BPI: variants seen among roughly 807,000 people sequenced by gnomAD.
The protein encoded by BPI is bactericidal permeability-increasing protein.
BPI carries 48 observed loss-of-function variants against 57.6 expected under a neutral mutation model. That is an observed-to-expected ratio of 0.83 (90% CI 0.66 to 1.06). The LOEUF is 1.06. Ranked by LOEUF, BPI falls within the 50% of genes least tolerant of loss-of-function variation. The probability of loss-of-function intolerance (pLI) is 0.00; values close to 1 mark genes in which losing one functional copy is unlikely to be tolerated. For synonymous variants in BPI, 237 were observed against 238.2 expected (o/e 0.99, Z 0.05); for missense variants, 651 against 609.7 (o/e 1.07, Z -0.71).
intron 9 of BPI, among the ~76,000 whole-genome samples, chr20:38,325,750 G>A (rs779714436): frequency 2.0e-5 from 3 of 152,002 alleles, no homozygotes; most frequent in South Asian, 4.2e-4. Context: ...GGCTGCTAGG[G>A]GTGTCCAGGA....
At chr20:38,317,829 A>T in intron 5 of BPI, 1 of 1,508,022 alleles carries the variant, frequency 6.6e-7, no homozygotes, top group Non-Finnish European at 8.9e-7. Context: ...GTGTGGCCCA[A>T]GTCAGATTTT....
rs1437037753 is a variant in BPI, at chr20:38,318,451, G to A, written c.639G>A (p.Leu213=). 6.2e-7 allele frequency: 1 copy of A among 1,613,818 alleles called. No homozygotes were observed. The change falls in exon 6 of 15, where the codon CTG becomes CTA. Residue 213 remains leucine, a synonymous_variant. Coordinates refer to ENST00000642449, the MANE Select transcript of BPI (RefSeq NM_001725.3). ...EKVTNSVSSE[L]QPYFQTLPVM... is the part of the protein sequence containing the mutation. ...TGACCAATTCTGTATCCTCCGAGCT[G>A]CAACCTTATTTCCAGACTCTGCCAG...
At chr20:38,310,105 A>T (rs774584936) in intron 3 of BPI, among the ~76,000 whole-genome samples, 5 of 152,224 alleles carry the variant, frequency 3.3e-5, no homozygotes, top group Non-Finnish European at 7.3e-5. Context: ...AATGAATGAA[A>T]GTCATTGGCC....
intron 11 of BPI, among the ~76,000 whole-genome samples, chr20:38,330,066 C>T (rs531486167): frequency 6.6e-6 from 1 of 152,128 alleles, no homozygotes; most frequent in South Asian, 2.1e-4. Flanking sequence ...GTCTCTACAA[C>T]AAAATTTTTA....
intron 11 of BPI, among the ~76,000 whole-genome samples, chr20:38,330,249 GA>G (rs369359815): frequency 9.0e-4 from 134 of 148,402 alleles, no homozygotes; most frequent in Middle Eastern, 3.5e-3. Flanking sequence ...TCTCAAAGAA[GA>G]AAAAAAAAAG....
At chr20:38,307,500 T>A in intron 1 of BPI, 67 bp from the exon 2 acceptor site, 1 of 1,195,146 alleles carries the variant, frequency 8.4e-7, no homozygotes, top group Non-Finnish European at 1.2e-6. Flanking sequence ...GTCCAGAGCC[T>A]GCCCTGCCCC....
Position 38,304,301 on chromosome 20 carries a change from G to A in BPI, c.78G>A (p.Ala26=), listed in dbSNP as rs774631868. Residue 26 remains alanine, a synonymous_variant, in exon 1 of 15, where the codon GCG becomes GCA. Transcript: ENST00000642449. ...VLVAIGTAVT[A]AVNPGVVVRI... ...TCGCCATAGGCACCGCCGTGACAGC[G>A]GCCGTCAACCCTGGCGTCGTGGTCA... 12 of 1,613,988 alleles carry A rather than the reference G, an allele frequency of 7.4e-6. No individual in the cohort carries two copies. The highest frequency in any genetic ancestry group is 5.0e-5 in the Admixed American group (3 of 60,012).
At chr20:38,314,256 GTGATGGTGAGATTGA>G (rs2076638508) in intron 5 of BPI, among the ~76,000 whole-genome samples, 1 of 129,992 alleles carries the variant, frequency 7.7e-6, no homozygotes, top group African/African-American at 2.7e-5. Flanking sequence ...GATGATGGTG[GTGATGGTGAGATTGA>G]TGATGGTGAT....
chr20:38,314,410 G>A (rs111212377), intron 5 of BPI, among the ~76,000 whole-genome samples: 1,598 of 120,176 alleles, frequency 0.013, 27 homozygotes, highest in African/African-American at 0.048. Flanking sequence ...GTGATGGTGG[G>A]GATGATGATG....
rs543042606 is a variant in BPI at position 38,330,948 on chromosome 20, C to A, written c.1230-100C>A. The stretch of plus-strand genomic sequence containing the variant: ...GGGAGTGGATACTGGGTGGGAAAAC[C>A]AGACAGTATCCACCAGAGTGGGTCT... On this transcript the variant is annotated intron_variant, in intron 11 of 14. Transcript: ENST00000642449. 2.8e-6 allele frequency: 4 copies of A among 1,406,258 alleles called. No homozygotes were observed. In the East Asian group the frequency reaches 6.9e-5, roughly 24 times the overall value. 87.1% of individuals were successfully genotyped at this position (1,406,258 alleles called of 1,614,324 possible). A position where few individuals can be genotyped will look rare whatever the true frequency, so the allele number is the denominator to read the frequency against.
At chr20:38,332,690 A>G (rs2076748352) in intron 12 of BPI, among the ~76,000 whole-genome samples, 1 of 152,104 alleles carries the variant, frequency 6.6e-6, no homozygotes, top group South Asian at 2.1e-4. Context: ...ACATGGAGAA[A>G]GGGCTGGTAG....
At chr20:38,328,051 C>T (rs529323498) in intron 11 of BPI, among the ~76,000 whole-genome samples, 7 of 152,142 alleles carry the variant, frequency 4.6e-5, no homozygotes, top group East Asian at 1.9e-4. Flanking sequence ...TAGGAGATCC[C>T]GCTTCAACTT....
At position 38,332,959 on chromosome 20, in the gene BPI, C is replaced by T. The variant is rs530399989; in HGVS notation, c.1273-1471C>T. Among the ~76,000 whole-genome samples, 5 of 152,222 alleles carry T rather than the reference C, an allele frequency of 3.3e-5. No homozygotes were observed. The South Asian group carries it at 8.3e-4, about 25-fold the overall frequency. On this transcript the variant is annotated intron_variant, in intron 12 of 14. Coordinates refer to ENST00000642449, the MANE Select transcript of BPI (RefSeq NM_001725.3). ...ACATTGACCTGAATCTCCTGGTGGGCTCTGGTTGAATCCCAGTTTCTGCTG... is the reference window on the plus strand; with the variant it reads ...ACATTGACCTGAATCTCCTGGTGGGTTCTGGTTGAATCCCAGTTTCTGCTG...
intron 5 of BPI, among the ~76,000 whole-genome samples, chr20:38,314,301 A>ATGATGG (rs1418867307): frequency 2.8e-5 from 4 of 141,830 alleles, no homozygotes; most frequent in Non-Finnish European, 6.1e-5. Flanking sequence ...GATGATAATG[A>ATGATGG]TGATGGTGAT....
intron 1 of BPI, among the ~76,000 whole-genome samples, chr20:38,305,067 G>A (rs1465672047): frequency 6.6e-6 from 1 of 152,240 alleles, no homozygotes; most frequent in Non-Finnish European, 1.5e-5. Context: ...CCCGATGGCA[G>A]AGAGATGACC....
At chr20:38,309,885 G>T (rs1329579180) in intron 3 of BPI, among the ~76,000 whole-genome samples, 1 of 152,160 alleles carries the variant, frequency 6.6e-6, no homozygotes, top group African/African-American at 2.4e-5. Flanking sequence ...GATGAAAGGG[G>T]CGTGAGTCTG....
intron 9 of BPI, among the ~76,000 whole-genome samples, chr20:38,326,014 A>G (rs541264035): frequency 1.3e-5 from 2 of 152,292 alleles, no homozygotes; most frequent in African/African-American, 2.4e-5. Flanking sequence ...AGGATTTTAG[A>G]TGGCAAGAGA....
chr20:38,333,522 T>C (rs2076752375), intron 12 of BPI, among the ~76,000 whole-genome samples: 1 of 152,386 alleles, frequency 6.6e-6, no homozygotes, highest in South Asian at 2.1e-4. Flanking sequence ...CATATTTTCA[T>C]CACTTAGTTA....
chr20:38,337,121 T>A, intron 14 of BPI, 25 bp from the exon 15 acceptor site: 1 of 1,600,602 alleles, frequency 6.2e-7, no homozygotes, highest in Non-Finnish European at 8.5e-7. Flanking sequence ...CTTCAACTGG[T>A]GACAACATTC....
Sources: gnomAD v4.1 joint callset for allele counts (sites outside exome capture counted in the v4.1 genomes callset) on GRCh38, gnomAD v4.1.1 for gene constraint, MANE v1.5 for transcripts, NCBI Gene and HGNC (gene_info 2026-07-23, HGNC 2026-07-21) for gene names.